The following DNAH8 variants were observed in gnomAD, a reference collection of about 807,000 sequenced individuals.
DNAH8 encodes the protein axonemal beta dynein heavy chain 8.
Under a neutral mutation model 562.1 loss-of-function variants are expected in DNAH8, and 382 were observed. That is an observed-to-expected ratio of 0.68 (90% confidence interval 0.63 to 0.74). DNAH8 has a LOEUF of 0.74. DNAH8 is among the 30% of genes least tolerant of loss of function. The pLI, the probability that DNAH8 is intolerant of heterozygous loss-of-function variation, is 0.00. For synonymous variants in DNAH8, 1,881 were observed against 1,919.4 expected (o/e 0.98, Z 0.52); for missense variants, 5,203 against 5,620.4 (o/e 0.93, Z 2.37).
intron 26 of DNAH8, 131 bp downstream of exon 26, chr6:38,815,788 C>A: frequency 1.2e-6 from 1 of 858,186 alleles, no homozygotes; most frequent in Non-Finnish European, 1.7e-6. Flanking sequence ...TTAAACATAA[C>A]GTGCAGGCAT....
intron 21 of DNAH8, among the ~76,000 whole-genome samples, chr6:38,791,939 C>T (rs1769789942): frequency 6.6e-6 from 1 of 152,162 alleles, no homozygotes; most frequent in Admixed American, 6.5e-5. Flanking sequence ...CTCTCTTCCA[C>T]TGTGCATGGC....
intron 81 of DNAH8, among the ~76,000 whole-genome samples, chr6:38,950,797 A>G (rs1761848074): frequency 6.6e-6 from 1 of 152,070 alleles, no homozygotes; most frequent in Non-Finnish European, 1.5e-5. Context: ...TCACTTAAAA[A>G]TTAGATCTAT....
At chr6:38,750,657 C>A in intron 9 of DNAH8, 68 bp downstream of exon 9, 2 of 987,666 alleles carry the variant, frequency 2.0e-6, no homozygotes, top group Non-Finnish European at 3.1e-6. Flanking sequence ...TCTAGCTACT[C>A]AGAAGGCTGA....
chr6:38,724,055 T>C (rs753167185), intron 3 of DNAH8, among the ~76,000 whole-genome samples: 6 of 152,018 alleles, frequency 3.9e-5, no homozygotes, highest in Non-Finnish European at 7.4e-5. Flanking sequence ...AGTGGCACCA[T>C]CTCGGCTCAC....
At chr6:38,820,400 T>A (rs1772712819) in intron 26 of DNAH8, among the ~76,000 whole-genome samples, 1 of 152,198 alleles carries the variant, frequency 6.6e-6, no homozygotes, top group Non-Finnish European at 1.5e-5. Flanking sequence ...TTGAATTAGA[T>A]ACACATCATA....
At chr6:38,784,397 T>C (rs1236155872) in intron 17 of DNAH8, among the ~76,000 whole-genome samples, 1 of 152,190 alleles carries the variant, frequency 6.6e-6, no homozygotes, top group Non-Finnish European at 1.5e-5. Context: ...CAATACCCTT[T>C]CTCTTATCTG....
intron 88 of DNAH8, among the ~76,000 whole-genome samples, chr6:39,005,663 A>T (rs189686179): frequency 1.3e-5 from 2 of 152,286 alleles, no homozygotes; most frequent in East Asian, 3.9e-4. Flanking sequence ...GTTTATTCAA[A>T]TATTTTTTCT....
intron 37 of DNAH8, among the ~76,000 whole-genome samples, 167 bp downstream of exon 37, chr6:38,848,968 A>G (rs898281557): frequency 1.3e-5 from 2 of 152,182 alleles, no homozygotes; most frequent in East Asian, 1.9e-4. Context: ...TTGGAACACA[A>G]CCACATCCAT....
Position 38,822,633 on chromosome 6 carries a change from G to A in DNAH8, c.3524-205G>A, listed in dbSNP as rs186929480. ...AGTTCTTCTAGATTAAAGAAATCTAGAGCTCAAAATCTGACACCATAGTTT... is the reference window on the plus strand; with the variant it reads ...AGTTCTTCTAGATTAAAGAAATCTAAAGCTCAAAATCTGACACCATAGTTT... On this transcript the variant is annotated intron_variant, in intron 26 of 92. Coordinates refer to ENST00000327475, the MANE Select transcript of DNAH8 (RefSeq NM_001206927.2). 2.6e-5 allele frequency among the ~76,000 whole-genome samples: 4 copies of A among 152,186 alleles called. No individual in the cohort carries two copies. The East Asian group carries it at 7.7e-4, about 29-fold the overall frequency.
At chr6:38,785,602 G>A (rs972114671) in intron 17 of DNAH8, among the ~76,000 whole-genome samples, 1 of 151,998 alleles carries the variant, frequency 6.6e-6, no homozygotes, top group Non-Finnish European at 1.5e-5. Flanking sequence ...GCATGCATTA[G>A]GTACTTTGTC....
At chr6:38,894,981 T>C (rs1011591475) in intron 59 of DNAH8, 117 bp downstream of exon 59, 1 of 1,042,328 alleles carries the variant, frequency 9.6e-7, no homozygotes, top group Admixed American at 2.9e-5. Context: ...CAGGCTGGAG[T>C]GCAATGGTGC....
Position 38,822,952 on chromosome 6 carries a change from T to C in DNAH8, c.3638T>C (p.Leu1213Pro). 1 of 1,613,730 alleles carries C rather than the reference T, an allele frequency of 6.2e-7. No homozygotes were observed. The highest frequency in any genetic ancestry group is 8.5e-7 in the Non-Finnish European group (1 of 1,179,840). Residue 1213 changes from leucine to proline, a missense_variant, in exon 27 of 93, where the codon CTA becomes CCA. By Grantham distance (98) the Leu-to-Pro change is moderately conservative. This residue lies in a region of DNAH8 where 2,176 missense variants were observed against 2,365.1 expected (regional missense o/e 0.92). Coordinates refer to ENST00000327475, the MANE Select transcript of DNAH8 (RefSeq NM_001206927.2). ...CTCCTTTCTTCCTCTGTAAATTCCCTAAGAAAGGCAGCTCATGAGGCCCTG... is the reference window on the plus strand; with the variant it reads ...CTCCTTTCTTCCTCTGTAAATTCCCCAAGAAAGGCAGCTCATGAGGCCCTG... ...VLLLSSSVNSLRKAAHEALQD... is the reference protein window; with the variant it reads ...VLLLSSSVNSPRKAAHEALQD...
At chr6:38,908,931 A>G (rs1194423605) in intron 64 of DNAH8, among the ~76,000 whole-genome samples, 1 of 152,158 alleles carries the variant, frequency 6.6e-6, no homozygotes, top group Non-Finnish European at 1.5e-5. Context: ...AAGCATTTTT[A>G]TTATCACTTA....
chr6:39,014,528 A>G (rs1021195862), intron 91 of DNAH8, among the ~76,000 whole-genome samples: 2 of 152,202 alleles, frequency 1.3e-5, no homozygotes, highest in Non-Finnish European at 1.5e-5. Flanking sequence ...TCTGGTTGGT[A>G]AGACAGACAC....
intron 8 of DNAH8, among the ~76,000 whole-genome samples, chr6:38,742,094 C>G (rs559360303): frequency 1.3e-5 from 2 of 152,234 alleles, no homozygotes; most frequent in South Asian, 2.1e-4. Context: ...TTTGACCATA[C>G]TACTATGGGG....
Position 38,781,316 on chromosome 6 carries a change from A to G in DNAH8, c.2202A>G (p.Lys734=), listed in dbSNP as rs372312350. Residue 734 remains lysine, a synonymous_variant, in exon 16 of 93, where the codon AAA becomes AAG. Coordinates refer to ENST00000327475, the MANE Select transcript of DNAH8 (RefSeq NM_001206927.2). The part of the protein sequence containing the change: ...LARNMPPIAG[K]ILWVRQLYRR... The stretch of plus-strand genomic sequence containing the variant: ...GCAACATGCCCCCTATAGCAGGAAA[A>G]ATACTCTGGGTGAGGCAGCTCTATC... 1.9e-5 allele frequency: 30 copies of G among 1,613,824 alleles called. No individual in the cohort carries two copies. Among genetic ancestry groups the G allele is most frequent in the Non-Finnish European group, 2.5e-5 (29 of 1,179,958 alleles).
At chr6:38,912,456 C>A (rs1561852794) in intron 66 of DNAH8, among the ~76,000 whole-genome samples, 1 of 152,094 alleles carries the variant, frequency 6.6e-6, no homozygotes, top group African/African-American at 2.4e-5. Context: ...CAGAGTGGGA[C>A]CCTGTCTCAA....
At chr6:39,003,478 A>C (rs908661003) in intron 88 of DNAH8, among the ~76,000 whole-genome samples, 6 of 152,236 alleles carry the variant, frequency 3.9e-5, no homozygotes, top group Non-Finnish European at 1.5e-5. Flanking sequence ...AAGCATAAAC[A>C]ATAGAGAAAA....
chr6:38,894,765 T>C lies in DNAH8; in HGVS notation c.8648T>C (p.Ile2883Thr). Reference sequence around the variant, plus strand: ...TTCAATCTTCGAGATCTTTCCAGAATTTGGCAAGGAATGTTGACCATAAAA... The same window carrying C: ...TTCAATCTTCGAGATCTTTCCAGAACTTGGCAAGGAATGTTGACCATAAAA... ...YIFNLRDLSR[I>T]WQGMLTIKAE... Residue 2883 changes from isoleucine (I) to threonine (T), a missense_variant, in exon 59 of 93, where the codon ATT becomes ACT. Ile to Thr is a moderately conservative substitution (Grantham distance 89). Transcript: ENST00000327475. 1 of 1,614,078 alleles carries C rather than the reference T, an allele frequency of 6.2e-7. No homozygotes were observed. Among genetic ancestry groups the C allele is most frequent in the South Asian group, 1.1e-5 (1 of 91,080 alleles).
Sources: gnomAD v4.1 joint callset for allele counts (sites outside exome capture counted in the v4.1 genomes callset) on GRCh38, gnomAD v4.1.1 for gene constraint, gnomAD v4.1.1 regional missense constraint, MANE v1.5 for transcripts, NCBI Gene and HGNC (gene_info 2026-07-23, HGNC 2026-07-21) for gene names.